WHR1: variants seen among roughly 807,000 people sequenced by gnomAD.
WHR1 encodes winged helix repair factor 1.
the WHR1 span, among the ~76,000 whole-genome samples, chr6:31,976,926 C>T: frequency 3.9e-5 from 6 of 152,224 alleles, no homozygotes; most frequent in African/African-American, 1.4e-4. Flanking sequence ...CGCCTGCAAT[C>T]GCAGGCACTC....
At chr6:31,979,683 G>C in the WHR1 span, 1 of 1,288,394 alleles carries the variant, frequency 7.8e-7, no homozygotes, top group Non-Finnish European at 1.1e-6. Flanking sequence ...GACTCTTCTT[G>C]TTAATAAAAT....
At chr6:31,980,087 G>A in the WHR1 span, 1 of 286,156 alleles carries the variant, frequency 3.5e-6, no homozygotes, top group Non-Finnish European at 6.6e-6. Flanking sequence ...GGGAGCCATG[G>A]CGCAGTCTGC....
the WHR1 span, chr6:31,973,384 G>C: frequency 9.9e-6 from 2 of 201,236 alleles, no homozygotes; most frequent in South Asian, 1.6e-4. Context: ...AAAGGTATTA[G>C]ACAGTTGGAT....
the WHR1 span, among the ~76,000 whole-genome samples, chr6:31,978,000 C>T: frequency 1.3e-5 from 2 of 151,670 alleles, no homozygotes; most frequent in Admixed American, 1.3e-4. Context: ...ATTGGTCAGG[C>T]TGATATTGAA....
chr6:31,972,004 A>G, the WHR1 span: 1 of 1,603,422 alleles, frequency 6.2e-7, no homozygotes, highest in Non-Finnish European at 8.5e-7. The surrounding 1 kb of genome is among the most constrained non-coding windows in gnomAD (Gnocchi z 6.3). Flanking sequence ...AGGATGCAAA[A>G]GTGGTTTTCT....
At chr6:31,971,851 C>T in the WHR1 span, 49 of 1,375,248 alleles carry the variant, frequency 3.6e-5, no homozygotes, top group Non-Finnish European at 4.7e-5. This position sits in a 1 kb window ranked among gnomAD's most constrained non-coding sequence, Gnocchi z 4.5. Context: ...CCTTGCCCTT[C>T]ACCCACCCTC....
the WHR1 span, among the ~76,000 whole-genome samples, chr6:31,973,569 C>T: frequency 1.3e-5 from 2 of 152,116 alleles, no homozygotes; most frequent in Non-Finnish European, 2.9e-5. Flanking sequence ...GGCTATCTCT[C>T]TCCAGAAAAA....
chr6:31,979,631 C>A, the WHR1 span: 2 of 1,543,732 alleles, frequency 1.3e-6, no homozygotes, highest in South Asian at 1.2e-5. Flanking sequence ...GCCTGTCCTC[C>A]TGTTTTTTTG....
the WHR1 span, chr6:31,972,440 C>T: frequency 6.2e-7 from 1 of 1,613,096 alleles, no homozygotes; most frequent in Non-Finnish European, 8.5e-7. This position sits in a 1 kb window ranked among gnomAD's most constrained non-coding sequence, Gnocchi z 6.3. Context: ...CACCTGATCC[C>T]GGAGACCTTT....
At chr6:31,979,576 A>G in the WHR1 span, 1 of 1,611,216 alleles carries the variant, frequency 6.2e-7, no homozygotes, top group African/African-American at 1.3e-5. Flanking sequence ...GAACCAACCA[A>G]AGTCAGGCAT....
chr6:31,971,208 G>C, the WHR1 span: 1 of 1,580,256 alleles, frequency 6.3e-7, no homozygotes, highest in South Asian at 1.1e-5. The surrounding 1 kb of genome is among the most constrained non-coding windows in gnomAD (Gnocchi z 4.5). Context: ...TGCTCCCCTC[G>C]AAGAATAGTC....
At chr6:31,979,796 CA>C in the WHR1 span, 1 of 480,930 alleles carries the variant, frequency 2.1e-6, no homozygotes, top group Non-Finnish European at 3.7e-6. Context: ...TTATCAAAAG[CA>C]CACAGGGGCC....
the WHR1 span, among the ~76,000 whole-genome samples, chr6:31,975,656 T>G: frequency 1.3e-3 from 184 of 138,978 alleles, no homozygotes; most frequent in African/African-American, 4.5e-3. Flanking sequence ...TTTTTTTTTT[T>G]GAAAAGTCTC....
At chr6:31,981,009 C>T in the WHR1 span, 1 of 534,792 alleles carries the variant, frequency 1.9e-6, no homozygotes, top group Non-Finnish European at 3.2e-6. Context: ...CACAGCATCT[C>T]TACCACTTCA....
the WHR1 span, chr6:31,972,481 G>C: frequency 6.2e-7 from 1 of 1,612,744 alleles, no homozygotes; most frequent in Non-Finnish European, 8.5e-7. The surrounding 1 kb of genome is among the most constrained non-coding windows in gnomAD (Gnocchi z 6.3). Flanking sequence ...GCGAGGGCCT[G>C]TGGAGTCGGA....
At chr6:31,971,482 C>T in the WHR1 span, 7 of 1,613,924 alleles carry the variant, frequency 4.3e-6, no homozygotes, top group Non-Finnish European at 5.9e-6. The surrounding 1 kb of genome is among the most constrained non-coding windows in gnomAD (Gnocchi z 4.5). Context: ...GCGCAGGGCT[C>T]GGGCATCTCC....
chr6:31,973,105 G>A, the WHR1 span: 5 of 533,414 alleles, frequency 9.4e-6, no homozygotes, highest in Non-Finnish European at 1.1e-5. Context: ...ATATCATAGA[G>A]AGAGGGAATG....
chr6:31,972,431 AC>A, the WHR1 span: 1 of 1,613,004 alleles, frequency 6.2e-7, no homozygotes, highest in Non-Finnish European at 8.5e-7. The surrounding 1 kb of genome is among the most constrained non-coding windows in gnomAD (Gnocchi z 6.3). Flanking sequence ...AAGAGGCATC[AC>A]CTGATCCCGG....
At chr6:31,972,438 C>A in the WHR1 span, 15 of 1,612,992 alleles carry the variant, frequency 9.3e-6, no homozygotes, top group South Asian at 1.1e-4. The surrounding 1 kb of genome is among the most constrained non-coding windows in gnomAD (Gnocchi z 6.3). Flanking sequence ...ATCACCTGAT[C>A]CCGGAGACCT....
Sources: allele counts gnomAD v4.1 joint callset (sites outside exome capture counted in the v4.1 genomes callset), GRCh38; gene constraint gnomAD v4.1.1; non-coding constraint Gnocchi (gnomAD v3.1); transcripts MANE v1.5; gene names NCBI Gene and HGNC (gene_info 2026-07-23, HGNC 2026-07-21).